The following FBXO42 variants were observed in gnomAD, a reference collection of about 807,000 sequenced individuals.
The protein encoded by FBXO42 is F-box only protein 42.
FBXO42 carries 12 observed loss-of-function variants against 71.7 expected under a neutral mutation model. The observed-to-expected ratio is 0.17, with a 90% CI of 0.11 to 0.27. FBXO42 has a LOEUF of 0.27. FBXO42 is among the 10% of genes least tolerant of loss of function. FBXO42 has a pLI of 1.00. For missense variants in FBXO42, 707 were observed against 911.9 expected, an observed-to-expected ratio of 0.78 and a Z score of 2.89; for synonymous variants, 325 against 327.5, an observed-to-expected ratio of 0.99 and a Z score of 0.08.
chr1:16,334,707 A>G (rs2082535552), intron 1 of FBXO42, among the ~76,000 whole-genome samples: 1 of 152,158 alleles, frequency 6.6e-6, no homozygotes, highest in African/African-American at 2.4e-5. Flanking sequence ...GTTATGAGTT[A>G]TCTAGTTCTC....
chr1:16,307,588 G>T (rs1271840937), intron 2 of FBXO42, among the ~76,000 whole-genome samples: 2 of 151,652 alleles, frequency 1.3e-5, no homozygotes, highest in Non-Finnish European at 2.9e-5. Flanking sequence ...AACCTGTCTT[G>T]GTCCTAGAGC....
chr1:16,294,624 A>C, intron 4 of FBXO42, 159 bp downstream of exon 4: 1 of 707,588 alleles, frequency 1.4e-6, no homozygotes, highest in East Asian at 2.8e-5. Context: ...AAAGACTTAC[A>C]CAAGCATATT....
At chr1:16,333,153 T>C (rs1295427200) in intron 1 of FBXO42, among the ~76,000 whole-genome samples, 2 of 152,176 alleles carry the variant, frequency 1.3e-5, no homozygotes, top group African/African-American at 4.8e-5. Context: ...TCTGACCTTC[T>C]ATTCATTTTG....
Position 16,255,834 on chromosome 1 carries a change from G to A in FBXO42, c.657-13C>T, listed in dbSNP as rs750938673. On this transcript the variant is annotated splice_polypyrimidine_tract_variant and intron_variant, in intron 5 of 9. Coordinates refer to ENST00000375592, the MANE Select transcript of FBXO42 (RefSeq NM_018994.3). Reference sequence around the variant, plus strand: ...AATGCAGTTCCACCTAATGTAAAAAGACAGGAGGAAGTCAAGAAGTCAGCA... The same window carrying A: ...AATGCAGTTCCACCTAATGTAAAAAAACAGGAGGAAGTCAAGAAGTCAGCA... 1 of 1,598,438 alleles carries A rather than the reference G, an allele frequency of 6.3e-7. No homozygotes were observed. The highest frequency in any genetic ancestry group is 1.3e-5 in the African/African-American group (1 of 74,376).
intron 1 of FBXO42, among the ~76,000 whole-genome samples, chr1:16,333,446 C>CA (rs1553155453): frequency 7.1e-6 from 1 of 140,748 alleles, no homozygotes; most frequent in African/African-American, 2.6e-5. Flanking sequence ...ACCCCCCCCC[C>CA]CCATTTCCAA....
At chr1:16,290,023 T>A (rs2082062362) in intron 4 of FBXO42, among the ~76,000 whole-genome samples, 1 of 152,168 alleles carries the variant, frequency 6.6e-6, no homozygotes, top group Admixed American at 6.5e-5. Flanking sequence ...CAATATAAGC[T>A]CCATGAGGGC....
At chr1:16,256,804 A>C in intron 4 of FBXO42, 45 bp from the exon 5 acceptor site, 1 of 1,603,444 alleles carries the variant, frequency 6.2e-7, no homozygotes, top group South Asian at 1.1e-5. Context: ...AGGATCTCAC[A>C]ACAATCCGTA....
intron 1 of FBXO42, among the ~76,000 whole-genome samples, chr1:16,350,753 A>AGAAAG (rs1553156680): frequency 0.023 from 659 of 28,700 alleles, 11 homozygotes; most frequent in Non-Finnish European, 0.032. Flanking sequence ...CAAAAAAAAA[A>AGAAAG]AAAAAAAGAA....
chr1:16,339,550 A>C (rs962782071), intron 1 of FBXO42, among the ~76,000 whole-genome samples: 5 of 152,098 alleles, frequency 3.3e-5, no homozygotes, highest in Admixed American at 2.0e-4. Flanking sequence ...TGACCTCATG[A>C]TCAGCCCGCC....
intron 4 of FBXO42, among the ~76,000 whole-genome samples, chr1:16,257,142 C>G (rs1264134180): frequency 6.6e-6 from 1 of 152,198 alleles, no homozygotes; most frequent in Non-Finnish European, 1.5e-5. Flanking sequence ...CCCTTCCCAT[C>G]CCTTTAACAA....
intron 4 of FBXO42, among the ~76,000 whole-genome samples, chr1:16,289,059 C>T (rs1483902469): frequency 6.6e-6 from 1 of 151,622 alleles, no homozygotes; most frequent in Non-Finnish European, 1.5e-5. Context: ...TACTTTCTTG[C>T]CTTCCTTCAT....
chr1:16,258,251 T>G (rs909323023), intron 4 of FBXO42, among the ~76,000 whole-genome samples: 6 of 152,192 alleles, frequency 3.9e-5, no homozygotes, highest in Non-Finnish European at 8.8e-5. Context: ...GTCTTTCTTG[T>G]GATCTCACTT....
At chr1:16,291,427 C>T (rs1280232980) in intron 4 of FBXO42, among the ~76,000 whole-genome samples, 4 of 151,848 alleles carry the variant, frequency 2.6e-5, no homozygotes, top group Admixed American at 2.0e-4. Flanking sequence ...GCCACCCAGG[C>T]TGGGGTGCTG....
intron 1 of FBXO42, among the ~76,000 whole-genome samples, chr1:16,339,946 CT>C (rs1181355118): frequency 6.6e-6 from 1 of 152,032 alleles, no homozygotes; most frequent in African/African-American, 2.4e-5. Flanking sequence ...AAGCAAGACC[CT>C]GTCTCAAGAA....
rs869178469 is a variant in FBXO42, at chr1:16,313,267, TA to T, written c.250+1901del. Among the ~76,000 whole-genome samples the T allele has an allele frequency of 1.5e-3, 41 of 26,514 alleles. No homozygotes were observed. The South Asian group carries it at 0.018, about 12-fold the overall frequency. The allele number at this position is 26,514 out of a possible 152,430, so 17.4% of individuals were successfully genotyped here. On this transcript the variant is annotated intron_variant, in intron 2 of 9. Coordinates refer to ENST00000375592, the MANE Select transcript of FBXO42 (RefSeq NM_018994.3). ...GGTAGGGTTCTTCTCTAAATAAAAATAAAAAAAAAAGAAAGAAAAGAAGAAA... is the reference window on the plus strand; with the variant it reads ...GGTAGGGTTCTTCTCTAAATAAAAATAAAAAAAAAGAAAGAAAAGAAGAAA...
At chr1:16,260,586 A>G (rs944982653) in intron 4 of FBXO42, among the ~76,000 whole-genome samples, 7 of 152,102 alleles carry the variant, frequency 4.6e-5, no homozygotes, top group Admixed American at 3.9e-4. Flanking sequence ...TTTTATTCCT[A>G]TTTTACAGAT....
At chr1:16,319,923 A>G (rs2082398583) in intron 1 of FBXO42, among the ~76,000 whole-genome samples, 1 of 151,254 alleles carries the variant, frequency 6.6e-6, no homozygotes, top group African/African-American at 2.4e-5. Flanking sequence ...AAAAAAAAAG[A>G]AAAAGAAAAA....
chr1:16,256,458 T>C, intron 5 of FBXO42, 148 bp downstream of exon 5: 1 of 784,126 alleles, frequency 1.3e-6, no homozygotes, highest in Non-Finnish European at 2.0e-6. Flanking sequence ...TGGTAAAATC[T>C]GTGAATATGT....
chr1:16,311,484 T>A (rs2082311263), intron 2 of FBXO42, among the ~76,000 whole-genome samples: 1 of 53,918 alleles, frequency 1.9e-5, no homozygotes, highest in African/African-American at 6.7e-5. Flanking sequence ...CAAGATCTTG[T>A]CTCAAAAAAA....
Sources: gnomAD v4.1 joint callset for allele counts (sites outside exome capture counted in the v4.1 genomes callset) on GRCh38, gnomAD v4.1.1 for gene constraint, MANE v1.5 for transcripts, NCBI Gene and HGNC (gene_info 2026-07-23, HGNC 2026-07-21) for gene names.